TRAF3: variants seen among roughly 807,000 people sequenced by gnomAD.
The protein encoded by TRAF3 is TNF receptor associated factor 3.
In TRAF3, 13 loss-of-function variants were observed where a neutral mutation model predicts 62.3. That is an observed-to-expected ratio of 0.21 (90% CI 0.14 to 0.33). The LOEUF (loss-of-function observed/expected upper bound fraction) is 0.33. Among genes scored for constraint, TRAF3 ranks in the 10% least tolerant of loss-of-function variants. The probability of loss-of-function intolerance (pLI) is 1.00; values close to 1 mark genes in which losing one functional copy is unlikely to be tolerated. For synonymous variants in TRAF3, 269 were observed against 283.4 expected, an observed-to-expected ratio of 0.95 and a Z score of 0.51; for missense variants, 440 against 741.8, an observed-to-expected ratio of 0.59 and a Z score of 4.73.
At chr14:102,790,184 A>G (rs1897719969) in intron 1 of TRAF3, among the ~76,000 whole-genome samples, 1 of 151,978 alleles carries the variant, frequency 6.6e-6, no homozygotes, top group South Asian at 2.1e-4. Context: ...CATTTCAGTT[A>G]ATTCTTGTAT....
At chr14:102,868,595 A>T (rs1408529347) in intron 2 of TRAF3, among the ~76,000 whole-genome samples, 1 of 152,238 alleles carries the variant, frequency 6.6e-6, no homozygotes, top group Non-Finnish European at 1.5e-5. Context: ...ACACTGGCCG[A>T]CATTCCCAAG....
rs1469927886 is a variant in TRAF3, at chr14:102,826,710, C to T, written c.-156-3624C>T. On this transcript the variant is annotated intron_variant, in intron 1 of 11. Transcript: ENST00000392745. This position sits in a 1 kb window ranked among gnomAD's most constrained non-coding sequence, Gnocchi z 4.6. ...GTTTATTCATTCGTGCAGTCCTTCACCTCACACCTGTTCAGGGTCCGGCTG... is the reference window on the plus strand; with the variant it reads ...GTTTATTCATTCGTGCAGTCCTTCATCTCACACCTGTTCAGGGTCCGGCTG... 6.6e-6 allele frequency among the ~76,000 whole-genome samples: 1 copy of T among 152,178 alleles called. No homozygotes were observed. Among genetic ancestry groups the T allele is most frequent in the Non-Finnish European group, 1.5e-5 (1 of 68,036 alleles).
At position 102,879,238 on chromosome 14, in the gene TRAF3, G is replaced by A. The variant is rs149847998; in HGVS notation, c.570+2713G>A. ...GGCACCAGGGCAGCTCAGCCAGGGCGTGGGCCATCATCCAGTTCCTGGTAG... is the reference window on the plus strand; with the variant it reads ...GGCACCAGGGCAGCTCAGCCAGGGCATGGGCCATCATCCAGTTCCTGGTAG... On this transcript the variant is annotated intron_variant, in intron 6 of 11. Transcript: ENST00000392745. 8.5e-5 allele frequency among the ~76,000 whole-genome samples: 13 copies of A among 152,250 alleles called. No homozygotes were observed. The East Asian group carries it at 2.3e-3, about 27-fold the overall frequency.
At chr14:102,858,658 C>T (rs1007282890) in intron 2 of TRAF3, among the ~76,000 whole-genome samples, 4 of 152,114 alleles carry the variant, frequency 2.6e-5, no homozygotes, top group South Asian at 2.1e-4. Flanking sequence ...TTGTGGCATA[C>T]GATTTTACAT....
rs1890791035 is a variant in TRAF3, at chr14:102,910,168, C to G, written c.*4384C>G. 1 of 152,242 alleles carries G rather than the reference C, an allele frequency of 6.6e-6. No homozygotes were observed. The highest frequency in any genetic ancestry group is 6.5e-5 in the Admixed American group (1 of 15,288). 9.4% of individuals were successfully genotyped at this position (152,242 alleles called of 1,614,324 possible). A position where few individuals can be genotyped will look rare whatever the true frequency, so the allele number is the denominator to read the frequency against. On this transcript the variant is annotated 3_prime_UTR_variant, in exon 12 of 12. Transcript: ENST00000392745. ...GCAGACTCCCCTTGCGGGCCCCTTGCTCAATCCCCGGCCCTCCCAGACTCC... is the reference window on the plus strand; with the variant it reads ...GCAGACTCCCCTTGCGGGCCCCTTGGTCAATCCCCGGCCCTCCCAGACTCC...
intron 1 of TRAF3, among the ~76,000 whole-genome samples, chr14:102,784,410 A>C (rs1293518291): frequency 1.3e-5 from 2 of 151,888 alleles, no homozygotes; most frequent in African/African-American, 2.4e-5. Flanking sequence ...TTTAGTAGAA[A>C]CAGGGTTTCA....
At chr14:102,779,178 A>G (rs1897166038) in intron 1 of TRAF3, among the ~76,000 whole-genome samples, 1 of 151,500 alleles carries the variant, frequency 6.6e-6, no homozygotes, top group South Asian at 2.1e-4. Flanking sequence ...ATAAGGGTTA[A>G]GATGTAAGGT....
intron 6 of TRAF3, among the ~76,000 whole-genome samples, chr14:102,883,927 A>G (rs1249409187): frequency 6.6e-6 from 1 of 152,230 alleles, no homozygotes; most frequent in African/African-American, 2.4e-5. Context: ...TCAGAATTAC[A>G]TTTAATTTCA....
In TRAF3 at chr14:102,843,874, CAG is replaced by C. The variant is rs907125170; in HGVS notation, c.-18+13404_-18+13405del. 2.6e-5 allele frequency among the ~76,000 whole-genome samples: 4 copies of C among 151,698 alleles called. 1 individual carries two copies. Among genetic ancestry groups the C allele is most frequent in the Non-Finnish European group, 5.9e-5 (4 of 67,892 alleles). On this transcript the variant is annotated intron_variant, in intron 2 of 11. Transcript: ENST00000392745. ...AGTGAAACTGATAAGGAAGAAAAAA[CAG>C]ATATAAATAATGAAATGAAATGAAA... is the stretch of plus-strand genomic sequence containing the variant.
rs56203426 is a variant in TRAF3 at position 102,900,180 on chromosome 14, G to GA, written c.960+2802dup. 3.7e-3 allele frequency among the ~76,000 whole-genome samples: 336 copies of GA among 91,362 alleles called. 4 individuals carry two copies. The highest frequency in any genetic ancestry group is 5.2e-3 in the Non-Finnish European group (243 of 46,760). 59.9% of individuals were successfully genotyped at this position (91,362 alleles called of 152,430 possible). On this transcript the variant is annotated intron_variant, in intron 10 of 11. Transcript: ENST00000392745. ...GGAGAAAGAGCAAGACTCCGTCTCGGAAAAAAAAAAAAAAAAAAAAAAAGA... is the reference window on the plus strand; with the variant it reads ...GGAGAAAGAGCAAGACTCCGTCTCGGAAAAAAAAAAAAAAAAAAAAAAAAGA...
intron 1 of TRAF3, among the ~76,000 whole-genome samples, chr14:102,804,365 C>T (rs975547070): frequency 6.6e-6 from 1 of 152,236 alleles, no homozygotes; most frequent in African/African-American, 2.4e-5. Context: ...TGGTGCACAG[C>T]AGATGAAAAT....
chr14:102,837,149 T>TG (rs1886070061), intron 2 of TRAF3, among the ~76,000 whole-genome samples: 2 of 136,976 alleles, frequency 1.5e-5, no homozygotes, highest in Non-Finnish European at 1.7e-5. Context: ...TGTGTTTTTT[T>TG]TGGGGGGGGG....
chr14:102,782,930 A>G (rs1897326575), intron 1 of TRAF3, among the ~76,000 whole-genome samples: 2 of 152,228 alleles, frequency 1.3e-5, no homozygotes, highest in Non-Finnish European at 1.5e-5. Context: ...CTGTAAGGCA[A>G]CAGTAGCATC....
At chr14:102,879,382 C>T (rs1054527276) in intron 6 of TRAF3, among the ~76,000 whole-genome samples, 2 of 152,134 alleles carry the variant, frequency 1.3e-5, no homozygotes, top group East Asian at 1.9e-4. Flanking sequence ...AAGTGATCCT[C>T]CCACCTCAGG....
intron 1 of TRAF3, among the ~76,000 whole-genome samples, chr14:102,829,074 C>T (rs1219321623): frequency 6.6e-6 from 1 of 152,154 alleles, no homozygotes; most frequent in African/African-American, 2.4e-5. Flanking sequence ...AGCTGCTGCT[C>T]TTCGTTTATC....
chr14:102,786,091 C>G (rs758535007), intron 1 of TRAF3, among the ~76,000 whole-genome samples: 1 of 152,168 alleles, frequency 6.6e-6, no homozygotes, highest in Non-Finnish European at 1.5e-5. Context: ...AAAAGGAGAT[C>G]AGTTTATGTA....
At chr14:102,839,983 T>A (rs188493519) in intron 2 of TRAF3, among the ~76,000 whole-genome samples, 1 of 152,140 alleles carries the variant, frequency 6.6e-6, no homozygotes, top group African/African-American at 2.4e-5. Flanking sequence ...AGTGATAAGG[T>A]ATTAGTCTAA....
rs987936723 is a variant in TRAF3 at position 102,870,053 on chromosome 14, A to G, written c.-17-132A>G. 1.1e-4 allele frequency: 120 copies of G among 1,058,966 alleles called. No individual in the cohort carries two copies. The Admixed American group carries it at 2.1e-3, about 18-fold the overall frequency. 65.6% of individuals were successfully genotyped at this position (1,058,966 alleles called of 1,614,324 possible). ...TCATGTTTTGTTCCCAACACATATT[A>G]AAGTTGGGAAGGATTCTTGTGTTGC... is the stretch of plus-strand genomic sequence containing the variant. On this transcript the variant is annotated intron_variant, in intron 2 of 11. Transcript: ENST00000392745.
At chr14:102,879,519 A>C (rs1888919824) in intron 6 of TRAF3, among the ~76,000 whole-genome samples, 1 of 151,976 alleles carries the variant, frequency 6.6e-6, no homozygotes, top group Admixed American at 6.6e-5. Context: ...TCAGCCTCCC[A>C]AAGTGGTGGG....
Sources: allele counts gnomAD v4.1 joint callset (sites outside exome capture counted in the v4.1 genomes callset), GRCh38; gene constraint gnomAD v4.1.1; non-coding constraint Gnocchi (gnomAD v3.1); transcripts MANE v1.5; gene names NCBI Gene and HGNC (gene_info 2026-07-23, HGNC 2026-07-21).